The following RGL1 variants were observed in gnomAD, a reference collection of about 807,000 sequenced individuals.
The protein encoded by RGL1 is ral guanine nucleotide dissociation stimulator-like 1.
In RGL1, 24 loss-of-function variants were observed where a neutral mutation model predicts 95.2. That is an observed-to-expected ratio of 0.25 (90% confidence interval 0.18 to 0.35). The LOEUF (loss-of-function observed/expected upper bound fraction) is 0.35. Among genes scored for constraint, RGL1 ranks in the 10% least tolerant of loss-of-function variants. The pLI is 1.00. For missense variants in RGL1, 715 were observed against 936.3 expected (o/e 0.76, Z 3.08); for synonymous variants, 329 against 344.9 (o/e 0.95, Z 0.51).
chr1:183,875,967 G>T, intron 4 of RGL1, among the ~76,000 whole-genome samples: 1 of 150,140 alleles, frequency 6.7e-6, no homozygotes, highest in African/African-American at 2.5e-5. Flanking sequence ...AGATCTTTAA[G>T]TCCTCTACAA....
At chr1:183,903,148 A>G (rs1458415473) in intron 12 of RGL1, among the ~76,000 whole-genome samples, 2 of 152,182 alleles carry the variant, frequency 1.3e-5, no homozygotes, top group Non-Finnish European at 2.9e-5. Context: ...TAATTTGCCA[A>G]TTAAAATAAA....
chr1:183,888,930 A>G (rs1333772231), intron 8 of RGL1, among the ~76,000 whole-genome samples: 2 of 152,132 alleles, frequency 1.3e-5, no homozygotes, highest in Non-Finnish European at 2.9e-5. Context: ...GCCCTAAGCT[A>G]TTTTAGGACT....
chr1:183,708,741 G>A (rs1415021748), intron 1 of RGL1, among the ~76,000 whole-genome samples: 1 of 152,212 alleles, frequency 6.6e-6, no homozygotes, highest in Non-Finnish European at 1.5e-5. Flanking sequence ...TGTTAACCCG[G>A]CTCCTGGGAA....
intron 1 of RGL1, among the ~76,000 whole-genome samples, chr1:183,676,616 G>A (rs1652844702): frequency 6.6e-6 from 1 of 151,050 alleles, no homozygotes; most frequent in Non-Finnish European, 1.5e-5. Context: ...TTCTTGGTTA[G>A]CAGAATGCAC....
intron 9 of RGL1, among the ~76,000 whole-genome samples, chr1:183,894,972 T>C (rs1388868041): frequency 6.6e-6 from 1 of 152,226 alleles, no homozygotes; most frequent in Non-Finnish European, 1.5e-5. Flanking sequence ...AGGTGAATTA[T>C]AGTCTGGAAA....
At chr1:183,911,992 A>G in intron 14 of RGL1, 90 bp from the exon 15 acceptor site, 1 of 1,132,932 alleles carries the variant, frequency 8.8e-7, no homozygotes, top group Non-Finnish European at 1.3e-6. Context: ...CTGAAAAAAC[A>G]TCAAGGGCTT....
At chr1:183,691,015 G>A (rs1011464109) in intron 1 of RGL1, among the ~76,000 whole-genome samples, 1 of 151,770 alleles carries the variant, frequency 6.6e-6, no homozygotes, top group Non-Finnish European at 1.5e-5. Context: ...TGGATTTGTA[G>A]ATTAAAGTAT....
At chr1:183,670,503 G>A (rs1652369410) in intron 1 of RGL1, among the ~76,000 whole-genome samples, 1 of 152,212 alleles carries the variant, frequency 6.6e-6, no homozygotes, top group Admixed American at 6.5e-5. Flanking sequence ...TCTCTCTGGA[G>A]TTTTAAACTT....
chr1:183,918,852 T>C (rs965528367), intron 16 of RGL1, among the ~76,000 whole-genome samples: 2 of 152,246 alleles, frequency 1.3e-5, no homozygotes, highest in African/African-American at 4.8e-5. Flanking sequence ...GCTCTCGTGC[T>C]CTCATTCTAA....
rs192003293 is a variant in RGL1 at position 183,697,519 on chromosome 1, G to A, written c.-32-44607G>A. Reference sequence around the variant, plus strand: ...TGAATGAATTGAATGCATGGTGAGCGTTTAATTTGAAATTTGAAATGTGAT... The same window carrying A: ...TGAATGAATTGAATGCATGGTGAGCATTTAATTTGAAATTTGAAATGTGAT... On this transcript the variant is annotated intron_variant, in intron 1 of 18. Coordinates refer to the RGL1 transcript ENST00000304685. Among the ~76,000 whole-genome samples the A allele has an allele frequency of 4.4e-4, 67 of 152,224 alleles. No individual in the cohort carries two copies. The East Asian group carries it at 8.9e-3, about 20-fold the overall frequency.
intron 2 of RGL1, among the ~76,000 whole-genome samples, chr1:183,761,520 A>G (rs1658664909): frequency 6.6e-6 from 1 of 152,218 alleles, no homozygotes; most frequent in South Asian, 2.1e-4. Flanking sequence ...TAGATGTGCT[A>G]TCATCTAGGC....
intron 2 of RGL1, among the ~76,000 whole-genome samples, chr1:183,784,260 G>A (rs1236933457): frequency 6.6e-6 from 1 of 152,186 alleles, no homozygotes; most frequent in Non-Finnish European, 1.5e-5. Flanking sequence ...GTACTGAGAG[G>A]TAGGAGACAA....
intron 15 of RGL1, among the ~76,000 whole-genome samples, chr1:183,915,769 C>T (rs1031009546): frequency 9.2e-5 from 14 of 152,226 alleles, no homozygotes; most frequent in African/African-American, 2.9e-4. Flanking sequence ...ATCTTATTGT[C>T]ATCAGCCACA....
At chr1:183,903,832 A>T (rs950458802) in intron 12 of RGL1, among the ~76,000 whole-genome samples, 2 of 152,218 alleles carry the variant, frequency 1.3e-5, no homozygotes, top group African/African-American at 4.8e-5. Flanking sequence ...TCAGAACAAG[A>T]TACTAACCTG....
intron 3 of RGL1, among the ~76,000 whole-genome samples, chr1:183,852,690 G>A (rs1466887611): frequency 6.6e-6 from 1 of 152,106 alleles, no homozygotes; most frequent in African/African-American, 2.4e-5. Context: ...GCAGGCGTCT[G>A]TAGTCCTAGC....
chr1:183,761,172 G>T (rs1160056670), intron 2 of RGL1, among the ~76,000 whole-genome samples: 1 of 152,148 alleles, frequency 6.6e-6, no homozygotes, highest in Non-Finnish European at 1.5e-5. Flanking sequence ...CTAGAATGGT[G>T]AATCCTTTCC....
At chr1:183,647,761 A>T (rs1202785710) in intron 1 of RGL1, 1 of 1,614,080 alleles carries the variant, frequency 6.2e-7, no homozygotes, top group East Asian at 2.2e-5. Flanking sequence ...ATCTCCACTG[A>T]CCTTCCAGTG....
intron 12 of RGL1, 68 bp from the exon 13 acceptor site, chr1:183,904,782 A>T: frequency 0.014 from 13,814 of 966,308 alleles, no homozygotes; most frequent in Non-Finnish European, 0.02. Flanking sequence ...ATGTTGAAAG[A>T]TTCTATATTT....
At chr1:183,709,436 G>T (rs986506869) in intron 1 of RGL1, 1 of 152,386 alleles carries the variant, frequency 6.6e-6, no homozygotes, top group African/African-American at 2.4e-5. Flanking sequence ...TCCAAACTGA[G>T]GATGGGGGTT....
Sources: gnomAD v4.1 joint callset for allele counts (sites outside exome capture counted in the v4.1 genomes callset) on GRCh38, gnomAD v4.1.1 for gene constraint, MANE v1.5 for transcripts, NCBI Gene and HGNC (gene_info 2026-07-23, HGNC 2026-07-21) for gene names.